The following DYNC2I1 variants were observed in gnomAD, a reference collection of about 807,000 sequenced individuals.
DYNC2I1 encodes the protein cytoplasmic dynein 2 intermediate chain 1.
Under a neutral mutation model 133.4 loss-of-function variants are expected in DYNC2I1, and 89 were observed. The observed-to-expected ratio is 0.67, with a 90% CI of 0.56 to 0.80. The LOEUF is 0.80. DYNC2I1 is among the 30% of genes least tolerant of loss of function. DYNC2I1 has a pLI of 0.00. For missense variants in DYNC2I1, 1,291 were observed against 1,314.5 expected, an observed-to-expected ratio of 0.98 and a Z score of 0.28; for synonymous variants, 504 against 484.3, an observed-to-expected ratio of 1.04 and a Z score of -0.54.
Position 158,876,612 on chromosome 7 carries a change from G to C in DYNC2I1, c.494G>C (p.Ser165Thr), listed in dbSNP as rs768637885. The change falls in exon 4 of 25, where the codon AGT (serine) becomes ACT (threonine). Residue 165 changes from serine (S) to threonine (T), a missense_variant. Physicochemically the swap from Ser to Thr is moderately conservative, Grantham distance 58 (BLOSUM62 1). Coordinates refer to ENST00000407559, the MANE Select transcript of DYNC2I1 (RefSeq NM_018051.5). ...ERAERKGRSVSKVRSEEKDED... is the reference protein window; with the variant it reads ...ERAERKGRSVTKVRSEEKDED... ...AAATATGTTTTACTTCTTGTAGTAA[G>C]TAAAGTAAGAAGTGAAGAGAAAGAT... The C allele has an allele frequency of 1.3e-6, 2 of 1,568,580 alleles. No individual in the cohort carries two copies. The highest frequency in any genetic ancestry group is 8.6e-7 in the Non-Finnish European group (1 of 1,165,074).
At chr7:158,915,276 C>G (rs893459412) in intron 14 of DYNC2I1, among the ~76,000 whole-genome samples, 1 of 110,732 alleles carries the variant, frequency 9.0e-6, no homozygotes, top group Admixed American at 8.2e-5. Flanking sequence ...AACCTCGACA[C>G]GGTGGTTGAG....
At chr7:158,848,700 G>A in the DYNC2I1 span, among the ~76,000 whole-genome samples, 19 of 152,214 alleles carry the variant, frequency 1.2e-4, no homozygotes, top group African/African-American at 3.9e-4. Flanking sequence ...CGAGGCGGGC[G>A]GATCACGAGG....
At chr7:158,888,974 A>AT (rs1844894330) in intron 7 of DYNC2I1, among the ~76,000 whole-genome samples, 1 of 151,850 alleles carries the variant, frequency 6.6e-6, no homozygotes, top group Admixed American at 6.6e-5. Flanking sequence ...CTTCTCATAT[A>AT]ATCTTTTATA....
At chr7:158,875,593 G>A (rs3850491) in intron 3 of DYNC2I1, among the ~76,000 whole-genome samples, 1 of 152,214 alleles carries the variant, frequency 6.6e-6, no homozygotes, top group Non-Finnish European at 1.5e-5. Flanking sequence ...GTTTGCCCCC[G>A]GTCTCTCTTG....
intron 11 of DYNC2I1, among the ~76,000 whole-genome samples, chr7:158,910,243 C>T (rs1437995527): frequency 3.9e-5 from 6 of 152,248 alleles, no homozygotes; most frequent in South Asian, 2.1e-4. Context: ...GAGGAAGCCA[C>T]GTGGGTGCGG....
intron 1 of DYNC2I1, among the ~76,000 whole-genome samples, chr7:158,866,518 C>T (rs999193360): frequency 6.6e-6 from 1 of 152,030 alleles, no homozygotes; most frequent in East Asian, 1.9e-4. Flanking sequence ...TCTGGTCACT[C>T]GTGTCCTGGG....
chr7:158,892,438 T>G (rs1845317401), intron 8 of DYNC2I1, among the ~76,000 whole-genome samples: 1 of 152,128 alleles, frequency 6.6e-6, no homozygotes, highest in Admixed American at 6.5e-5. Flanking sequence ...GACTTTATTA[T>G]TTTTTATTTT....
chr7:158,876,373 G>A (rs1843359437), intron 3 of DYNC2I1, among the ~76,000 whole-genome samples: 1 of 152,086 alleles, frequency 6.6e-6, no homozygotes, highest in Non-Finnish European at 1.5e-5. Flanking sequence ...GATTTGGGTG[G>A]GGACACAGAT....
At chr7:158,876,276 C>G (rs114810000) in intron 3 of DYNC2I1, among the ~76,000 whole-genome samples, 1 of 152,248 alleles carries the variant, frequency 6.6e-6, no homozygotes, top group African/African-American at 2.4e-5. Context: ...ATCACAAGAA[C>G]AGCACCCAGG....
At chr7:158,887,917 T>G (rs1844767000) in intron 7 of DYNC2I1, among the ~76,000 whole-genome samples, 1 of 152,180 alleles carries the variant, frequency 6.6e-6, no homozygotes, top group Admixed American at 6.5e-5. Context: ...CTTCATTATC[T>G]TCACTGTCTC....
At chr7:158,898,235 G>A (rs1260736527) in intron 8 of DYNC2I1, among the ~76,000 whole-genome samples, 3 of 152,118 alleles carry the variant, frequency 2.0e-5, no homozygotes, top group Non-Finnish European at 2.9e-5. Context: ...GCAGTCTAAC[G>A]CTGCCCATTA....
At chr7:158,891,700 T>G (rs1386163903) in intron 8 of DYNC2I1, among the ~76,000 whole-genome samples, 1 of 152,150 alleles carries the variant, frequency 6.6e-6, no homozygotes, top group Admixed American at 6.6e-5. Flanking sequence ...TGTGTGTAAG[T>G]TGAAGAAAGT....
intron 20 of DYNC2I1, among the ~76,000 whole-genome samples, chr7:158,930,075 T>A (rs1290287180): frequency 1.3e-5 from 2 of 152,160 alleles, no homozygotes; most frequent in Non-Finnish European, 2.9e-5. Flanking sequence ...CCTGTAGGCG[T>A]TGGAGCCTCG....
chr7:158,886,848 G>T (rs1844655722), intron 6 of DYNC2I1, among the ~76,000 whole-genome samples, 173 bp from the exon 7 acceptor site: 1 of 152,148 alleles, frequency 6.6e-6, no homozygotes, highest in Non-Finnish European at 1.5e-5. Flanking sequence ...TGGTCCTCCT[G>T]CCTCAATCTC....
chr7:158,935,264 C>G (rs755505734), intron 23 of DYNC2I1, among the ~76,000 whole-genome samples: 3 of 152,248 alleles, frequency 2.0e-5, no homozygotes, highest in Non-Finnish European at 4.4e-5. Context: ...TTGCTGTCTT[C>G]CCCTCCAGGG....
At chr7:158,958,351 C>CAG (rs1262739687), downstream of DYNC2I1, among the ~76,000 whole-genome samples, 1 of 152,254 alleles carries the variant, frequency 6.6e-6, no homozygotes, top group Non-Finnish European at 1.5e-5. Context: ...ACCTACCGAC[C>CAG]AGAGATCTGA....
At chr7:158,858,022 C>T (rs567074737) in intron 1 of DYNC2I1, among the ~76,000 whole-genome samples, 34 of 152,150 alleles carry the variant, frequency 2.2e-4, no homozygotes, top group African/African-American at 8.2e-4. Context: ...AACTCCTGAC[C>T]TCCGGTGATC....
chr7:158,899,941 G>T (rs138827806), intron 8 of DYNC2I1, among the ~76,000 whole-genome samples: 35 of 152,116 alleles, frequency 2.3e-4, no homozygotes, highest in African/African-American at 8.2e-4. Flanking sequence ...AGGTCTACTG[G>T]CAACAAATTC....
intron 20 of DYNC2I1, among the ~76,000 whole-genome samples, chr7:158,927,505 T>C (rs1849745798): frequency 6.6e-6 from 1 of 151,784 alleles, no homozygotes; most frequent in South Asian, 2.1e-4. Context: ...CCTTATAAAC[T>C]GTTGAACGGG....
Sources: allele counts gnomAD v4.1 joint callset (sites outside exome capture counted in the v4.1 genomes callset), GRCh38; gene constraint gnomAD v4.1.1; transcripts MANE v1.5; gene names NCBI Gene and HGNC (gene_info 2026-07-23, HGNC 2026-07-21).